RBFOX1: variants seen among roughly 807,000 people sequenced by gnomAD.
RBFOX1 encodes RNA binding protein fox-1 homolog 1.
RBFOX1 carries 8 observed loss-of-function variants against 57.7 expected under a neutral mutation model. The ratio of observed to expected loss-of-function variants is 0.14; its 90% CI spans 0.08 to 0.25. The LOEUF (loss-of-function observed/expected upper bound fraction) is 0.25, where lower values mean the gene tolerates loss of function less well. Ranked by LOEUF, RBFOX1 falls within the 10% of genes least tolerant of loss-of-function variation. RBFOX1 has a pLI of 1.00. For missense variants in RBFOX1, 611 were observed against 548.5 expected (o/e 1.11, Z -1.14); for synonymous variants, 326 against 222.4 (o/e 1.47, Z -4.15).
At chr16:5,486,274 C>T (rs1431528161) in intron 2 of RBFOX1, among the ~76,000 whole-genome samples, 1 of 152,156 alleles carries the variant, frequency 6.6e-6, no homozygotes, top group Non-Finnish European at 1.5e-5. Flanking sequence ...CCTGAAACTA[C>T]CCGTGAAGAA....
chr16:7,314,765 C>T (rs2096399558), intron 4 of RBFOX1, among the ~76,000 whole-genome samples: 1 of 152,108 alleles, frequency 6.6e-6, no homozygotes, highest in Admixed American at 6.6e-5. Flanking sequence ...TGACTGTAAG[C>T]CGAATCACCA....
intron 1 of RBFOX1, among the ~76,000 whole-genome samples, chr16:6,232,783 T>G (rs1004226780): frequency 6.6e-6 from 1 of 152,140 alleles, no homozygotes; most frequent in African/African-American, 2.4e-5. Flanking sequence ...CTTGCTCAGA[T>G]TTGCTTCCAC....
chr16:7,334,050 A>C (rs73563867), intron 4 of RBFOX1, among the ~76,000 whole-genome samples: 4,629 of 152,198 alleles, frequency 0.03, 190 homozygotes, highest in African/African-American at 0.092. Flanking sequence ...CCAGCCCCTC[A>C]TAGTTAAAAA....
chr16:7,050,450 G>A (rs921349515), intron 3 of RBFOX1, among the ~76,000 whole-genome samples: 1 of 151,866 alleles, frequency 6.6e-6, no homozygotes, highest in African/African-American at 2.4e-5. Context: ...ATTTTTAGTA[G>A]AGAAGAGGTT....
intron 3 of RBFOX1, among the ~76,000 whole-genome samples, chr16:5,853,171 G>A (rs2056939509): frequency 6.6e-6 from 1 of 152,036 alleles, no homozygotes; most frequent in Non-Finnish European, 1.5e-5. Context: ...AGGAGGGAGT[G>A]GGCTTCTTGG....
rs183217730 is a variant in RBFOX1, at chr16:6,340,967, A to T, written c.-64+23910A>T. ...AGGAAAACCAGAAGAAAAAAGGGGA[A>T]GGGGTGGACAGAGAGTGGCACAGAA... On this transcript the variant is annotated intron_variant, in intron 2 of 15. Transcript: ENST00000550418. Among the ~76,000 whole-genome samples the T allele has an allele frequency of 2.6e-5, 4 of 152,280 alleles. No homozygotes were observed. In the East Asian group the frequency reaches 7.7e-4, roughly 29 times the overall value.
At chr16:6,514,601 C>T (rs1773132472) in intron 2 of RBFOX1, among the ~76,000 whole-genome samples, 1 of 152,176 alleles carries the variant, frequency 6.6e-6, no homozygotes, top group Admixed American at 6.6e-5. Flanking sequence ...ATGTTCCCCT[C>T]ACCACGCATT....
intron 4 of RBFOX1, among the ~76,000 whole-genome samples, chr16:7,164,906 T>C (rs1475732549): frequency 1.3e-5 from 2 of 152,220 alleles, no homozygotes; most frequent in African/African-American, 4.8e-5. Context: ...ATTGTTTGCT[T>C]CTTGAATTAA....
At chr16:6,743,775 AAAAT>A (rs888281030) in intron 3 of RBFOX1, among the ~76,000 whole-genome samples, 3 of 148,750 alleles carry the variant, frequency 2.0e-5, no homozygotes, top group Admixed American at 1.3e-4. Flanking sequence ...AGAAGGAAGA[AAAAT>A]AAATAAATAA....
chr16:7,585,356 T>C (rs1006772181), intron 6 of RBFOX1, among the ~76,000 whole-genome samples: 1 of 152,236 alleles, frequency 6.6e-6, no homozygotes, highest in African/African-American at 2.4e-5. Context: ...GAATATTCTC[T>C]TGACCAAAAG....
intron 2 of RBFOX1, among the ~76,000 whole-genome samples, chr16:6,361,404 T>C (rs1600105063): frequency 6.6e-6 from 1 of 151,702 alleles, no homozygotes; most frequent in South Asian, 2.1e-4. Context: ...CCGAGGCGGG[T>C]GGATCACAAG....
intron 4 of RBFOX1, among the ~76,000 whole-genome samples, chr16:5,939,106 G>T (rs2059229063): frequency 6.6e-6 from 1 of 152,026 alleles, no homozygotes; most frequent in South Asian, 2.1e-4. Context: ...GTTGGGGGAG[G>T]CGGGAGGGAT....
chr16:6,886,520 A>C (rs1024294837), intron 3 of RBFOX1, among the ~76,000 whole-genome samples: 1 of 152,120 alleles, frequency 6.6e-6, no homozygotes, highest in African/African-American at 2.4e-5. Flanking sequence ...TGAGAGGCCA[A>C]GGCAGGTAGA....
chr16:7,111,369 T>G (rs1201746057), intron 4 of RBFOX1, among the ~76,000 whole-genome samples: 1 of 152,204 alleles, frequency 6.6e-6, no homozygotes, highest in African/African-American at 2.4e-5. Context: ...TTCCCTACCA[T>G]TTTTTCCTCA....
intron 2 of RBFOX1, among the ~76,000 whole-genome samples, chr16:6,551,885 C>T (rs1305685441): frequency 6.6e-6 from 1 of 152,162 alleles, no homozygotes; most frequent in East Asian, 1.9e-4. Context: ...GTGGGAAAAG[C>T]CTTCAGCTCA....
intron 4 of RBFOX1, chr16:7,510,140 C>T (rs1371765767): frequency 2.0e-6 from 2 of 985,708 alleles, no homozygotes; most frequent in African/African-American, 1.7e-5. Context: ...AGGGGGAGGT[C>T]AGCCAGGCGG....
chr16:6,686,943 C>G (rs1346574064), intron 3 of RBFOX1, among the ~76,000 whole-genome samples: 1 of 152,158 alleles, frequency 6.6e-6, no homozygotes, highest in African/African-American at 2.4e-5. Flanking sequence ...TATATAGATT[C>G]TGCTCGTAAT....
intron 14 of RBFOX1, 75 bp from the exon 15 acceptor site, chr16:7,708,981 A>G: frequency 7.2e-7 from 1 of 1,390,358 alleles, no homozygotes; most frequent in Non-Finnish European, 1.0e-6. Flanking sequence ...CTGTCTTGGT[A>G]TTTTGGATTT....
chr16:6,732,518 G>T (rs536568954), intron 3 of RBFOX1, among the ~76,000 whole-genome samples: 1 of 152,300 alleles, frequency 6.6e-6, no homozygotes, highest in Admixed American at 6.5e-5. Context: ...TCGTAATCTA[G>T]AAAACATTTA....
Sources: gnomAD v4.1 joint callset for allele counts (sites outside exome capture counted in the v4.1 genomes callset) on GRCh38, gnomAD v4.1.1 for gene constraint, MANE v1.5 for transcripts, NCBI Gene and HGNC (gene_info 2026-07-23, HGNC 2026-07-21) for gene names.